The following VSIG4 variants were observed in gnomAD, a reference collection of about 807,000 sequenced individuals.
VSIG4 encodes V-set and immunoglobulin domain-containing protein 4.
In VSIG4, 34 loss-of-function variants were observed where a neutral mutation model predicts 23.4. That is an observed-to-expected ratio of 1.45 (90% CI 1.10 to 1.93). The LOEUF (loss-of-function observed/expected upper bound fraction) is 1.93, where lower values mean the gene tolerates loss of function less well. Ranked by LOEUF, VSIG4 falls within the 30% of genes most tolerant of loss-of-function variation. The pLI is 0.00. For missense variants in VSIG4, 433 were observed against 310.8 expected (o/e 1.39, Z -2.96); for synonymous variants, 169 against 120.3 (o/e 1.41, Z -2.65).
chrX:66,030,883 C>T (rs1382818037), intron 3 of VSIG4, among the ~76,000 whole-genome samples: 1 of 110,984 alleles, frequency 9.0e-6, no homozygotes, highest in East Asian at 2.8e-4. Flanking sequence ...AAAAGCAGGG[C>T]CTCCAGAGTC....
intron 1 of VSIG4, among the ~76,000 whole-genome samples, chrX:66,039,408 T>C (rs1312660134): frequency 8.9e-6 from 1 of 112,125 alleles, no homozygotes; most frequent in Non-Finnish European, 1.9e-5. Flanking sequence ...TGCTCCTGGA[T>C]GGACTAGATG....
intron 1 of VSIG4, among the ~76,000 whole-genome samples, chrX:66,037,002 C>A (rs867085961): frequency 0.018 from 228 of 12,794 alleles, 12 homozygotes; most frequent in African/African-American, 0.13. Context: ...TATAATATAT[C>A]ATATAATATA....
At chrX:66,022,771 C>T (rs1480330276) in intron 7 of VSIG4, 70 bp downstream of exon 7, 39 of 1,209,328 alleles carry the variant, frequency 3.2e-5, no homozygotes, top group Non-Finnish European at 4.0e-5. Context: ...CCTTCCTCCA[C>T]ATTTCCTGCC....
intron 3 of VSIG4, among the ~76,000 whole-genome samples, chrX:66,029,460 C>T (rs2085439277): frequency 9.0e-6 from 1 of 110,733 alleles, no homozygotes; most frequent in Non-Finnish European, 1.9e-5. Flanking sequence ...TGAAAAACAG[C>T]AATGAAGTAG....
Position 66,028,040 on chromosome X carries a change from C to G in VSIG4, c.757+10G>C, listed in dbSNP as rs1404756443. ...CCTCTACTACTTCCTCAGACTCTAG[C>G]AAAACTCACCTTTCAAGGGGTATGT... On this transcript the variant is annotated intron_variant, in intron 4 of 7. Transcript: ENST00000374737. 5 of 1,206,922 alleles carry G rather than the reference C, an allele frequency of 4.1e-6. No individual in the cohort carries two copies. In the African/African-American group the frequency reaches 8.8e-5, roughly 21 times the overall value.
chrX:66,025,531 C>T lies in VSIG4; in HGVS notation c.836-402G>A, dbSNP rs143483845. On this transcript the variant is annotated intron_variant, in intron 5 of 7. Coordinates refer to ENST00000374737, the MANE Select transcript of VSIG4 (RefSeq NM_007268.3). The stretch of plus-strand genomic sequence containing the variant: ...AGCCACAAAGATTCTTCCCATCACA[C>T]GCTCTGGTCAAGTCCCCAGCTTCCT... 7.5e-4 allele frequency among the ~76,000 whole-genome samples: 84 copies of T among 112,535 alleles called. 1 individual carries two copies. The East Asian group carries it at 0.018, about 24-fold the overall frequency.
In VSIG4 at chrX:66,025,148, T is replaced by A. The variant is rs997490375; in HGVS notation, c.836-19A>T. The A allele has an allele frequency of 4.5e-6, 5 of 1,098,913 alleles. No homozygotes were observed. The highest frequency in any genetic ancestry group is 6.1e-6 in the Non-Finnish European group (5 of 813,534). 90.6% of individuals were successfully genotyped at this position (1,098,913 alleles called of 1,213,427 possible). On this transcript the variant is annotated intron_variant, in intron 5 of 7. Transcript: ENST00000374737. ...CTCTTTCCTAGAGGGTAAAACAAGA[T>A]CAAGTGGTATTTGATTGAAAATAAG...
intron 3 of VSIG4, among the ~76,000 whole-genome samples, chrX:66,031,987 C>T (rs958938453): frequency 9.0e-6 from 1 of 111,653 alleles, no homozygotes; most frequent in South Asian, 3.7e-4. Flanking sequence ...TCAAAGGGTG[C>T]CCAGGATCTG....
intron 3 of VSIG4, among the ~76,000 whole-genome samples, chrX:66,030,451 T>A (rs145686642): frequency 2.7e-5 from 3 of 111,649 alleles, no homozygotes; most frequent in Non-Finnish European, 5.6e-5. Flanking sequence ...GCATATCTAT[T>A]TGGCTTAGGT....
chrX:66,024,409 C>T (rs183897942), intron 6 of VSIG4, among the ~76,000 whole-genome samples: 2 of 111,945 alleles, frequency 1.8e-5, no homozygotes, highest in African/African-American at 6.5e-5. Context: ...ACTGTACTTC[C>T]CTGTTGCCCA....
rs1478815193 is a variant in VSIG4, at chrX:66,036,811, T to A, written c.56-2981A>T. Reference sequence around the variant, plus strand: ...ATATAATATAATATATTATATAATATTATATATTATTATATATATAATATG... The same window carrying A: ...ATATAATATAATATATTATATAATAATATATATTATTATATATATAATATG... On this transcript the variant is annotated intron_variant, in intron 1 of 7. Transcript: ENST00000374737. Among the ~76,000 whole-genome samples, 230 of 39,561 alleles carry A rather than the reference T, an allele frequency of 5.8e-3. 3 individuals are homozygous for A. Among genetic ancestry groups the A allele is most frequent in the African/African-American group, 0.027 (222 of 8,173 alleles). 34.4% of individuals were successfully genotyped at this position (39,561 alleles called of 115,157 possible).
chrX:66,030,201 G>A (rs1385624417), intron 3 of VSIG4, among the ~76,000 whole-genome samples: 1 of 110,877 alleles, frequency 9.0e-6, no homozygotes, highest in Non-Finnish European at 1.9e-5. Context: ...AGGAGGAAAA[G>A]TATGAATGGA....
intron 1 of VSIG4, among the ~76,000 whole-genome samples, chrX:66,038,032 C>G (rs990660981): frequency 4.5e-5 from 5 of 110,933 alleles, no homozygotes; most frequent in Admixed American, 9.7e-5. Context: ...ACTGGCTTCT[C>G]TCCCTTTCCT....
intron 6 of VSIG4, among the ~76,000 whole-genome samples, chrX:66,023,597 C>A (rs1484424803): frequency 1.8e-5 from 2 of 112,549 alleles, no homozygotes; most frequent in African/African-American, 6.5e-5. Context: ...ACCTGTACCG[C>A]AAGGGTCGTG....
chrX:66,028,210 C>T (rs980207844), intron 3 of VSIG4, 98 bp from the exon 4 acceptor site: 7 of 735,799 alleles, frequency 9.5e-6, no homozygotes, highest in South Asian at 8.9e-5. Context: ...CCATTCAGGT[C>T]CATACTTGGA....
At chrX:66,037,971 C>T (rs2085638365) in intron 1 of VSIG4, among the ~76,000 whole-genome samples, 1 of 109,129 alleles carries the variant, frequency 9.2e-6, no homozygotes, top group Non-Finnish European at 1.9e-5. Flanking sequence ...TTCCTCCCAT[C>T]ATCACAAAGA....
intron 1 of VSIG4, among the ~76,000 whole-genome samples, chrX:66,037,874 T>C (rs900814903): frequency 1.9e-5 from 2 of 107,245 alleles, no homozygotes; most frequent in Admixed American, 2.1e-4. Context: ...CTGATGCCTG[T>C]GTAATGGCAC....
At chrX:66,032,295 A>ATG (rs1391395886) in intron 3 of VSIG4, among the ~76,000 whole-genome samples, 173 bp downstream of exon 3, 7 of 111,923 alleles carry the variant, frequency 6.3e-5, no homozygotes, top group African/African-American at 2.0e-4. Flanking sequence ...ATGATAGGCA[A>ATG]TGTCTCTATC....
chrX:66,033,674 T>A lies in VSIG4; in HGVS notation c.212A>T (p.Asp71Val). Residue 71 changes from aspartate (D) to valine (V), a missense_variant, in exon 2 of 8, where the codon GAC becomes GTC. Physicochemically the swap from Asp to Val is radical, Grantham distance 152 (BLOSUM62 -3). Transcript: ENST00000374737. ...GSDPVTIFLRDSSGDHIQQAK... is the reference protein window; with the variant it reads ...GSDPVTIFLRVSSGDHIQQAK... The stretch of plus-strand genomic sequence containing the variant: ...CTGCTGGATATGGTCTCCAGAAGAG[T>A]CACGTAGAAAGATGGTGACAGGGTC... 1 of 1,210,285 alleles carries A rather than the reference T, an allele frequency of 8.3e-7. No homozygotes were observed. Among genetic ancestry groups the A allele is most frequent in the Non-Finnish European group, 1.1e-6 (1 of 895,129 alleles).
Sources: gnomAD v4.1 joint callset for allele counts (sites outside exome capture counted in the v4.1 genomes callset) on GRCh38, gnomAD v4.1.1 for gene constraint, MANE v1.5 for transcripts, NCBI Gene and HGNC (gene_info 2026-07-23, HGNC 2026-07-21) for gene names.